The following ZNF804B variants were observed in gnomAD, a reference collection of about 807,000 sequenced individuals.
ZNF804B encodes zinc finger protein 804B, also known as zinc finger 804B.
In ZNF804B, 80 loss-of-function variants were observed where a neutral mutation model predicts 101.4. The ratio of observed to expected loss-of-function variants is 0.79; its 90% CI spans 0.66 to 0.95. The LOEUF (loss-of-function observed/expected upper bound fraction) is 0.95, where lower values mean the gene tolerates loss of function less well. ZNF804B is among the 40% of genes least tolerant of loss of function. The pLI, the probability that ZNF804B is intolerant of heterozygous loss-of-function variation, is 0.00. For missense variants in ZNF804B, 1,673 were observed against 1,561.9 expected (o/e 1.07, Z -1.20); for synonymous variants, 622 against 558.8 (o/e 1.11, Z -1.59).
At chr7:89,222,294 A>G (rs1202908225) in intron 2 of ZNF804B, among the ~76,000 whole-genome samples, 1 of 151,748 alleles carries the variant, frequency 6.6e-6, no homozygotes, top group African/African-American at 2.4e-5. Context: ...TCTTGTCCTC[A>G]TTTTTCATTT....
chr7:88,943,080 C>G (rs1367565858), intron 1 of ZNF804B, among the ~76,000 whole-genome samples: 1 of 151,836 alleles, frequency 6.6e-6, no homozygotes, highest in South Asian at 2.1e-4. Context: ...CAGAAAACCC[C>G]TAGTAATTAT....
At chr7:89,087,242 T>C (rs369179622) in intron 1 of ZNF804B, among the ~76,000 whole-genome samples, 10 of 151,920 alleles carry the variant, frequency 6.6e-5, no homozygotes, top group Middle Eastern at 6.8e-3. Flanking sequence ...AGACAAACAG[T>C]GATCATTTTC....
chr7:89,045,215 G>A (rs1789086828), intron 1 of ZNF804B, among the ~76,000 whole-genome samples: 1 of 152,220 alleles, frequency 6.6e-6, no homozygotes, highest in South Asian at 2.1e-4. Flanking sequence ...AAGAATTGAT[G>A]TTTGGGAACC....
chr7:89,045,709 T>C (rs775739611), intron 1 of ZNF804B, among the ~76,000 whole-genome samples: 4 of 152,198 alleles, frequency 2.6e-5, no homozygotes, highest in Admixed American at 6.5e-5. Flanking sequence ...CATTTGGAAC[T>C]GGTGTATTTA....
Position 89,335,978 on chromosome 7 carries a change from G to A in ZNF804B, c.2996G>A (p.Arg999Lys). The A allele has an allele frequency of 6.2e-7, 1 of 1,613,926 alleles. No individual in the cohort carries two copies. The highest frequency in any genetic ancestry group is 8.5e-7 in the Non-Finnish European group (1 of 1,179,958). The change falls in exon 4 of 4, where the codon AGG (arginine) becomes AAG (lysine). Residue 999 changes from arginine to lysine, a missense_variant. Transcript: ENST00000333190. ...AATGATCAAGACAGTGCAATTCCAA[G>A]GACTACGGAGAAAGACAAAAGCAAA... is the stretch of plus-strand genomic sequence containing the variant. ...SRNDQDSAIP[R>K]TTEKDKSKSS...
At chr7:89,025,582 T>C (rs1235668444) in intron 1 of ZNF804B, among the ~76,000 whole-genome samples, 1 of 152,178 alleles carries the variant, frequency 6.6e-6, no homozygotes, top group African/African-American at 2.4e-5. Flanking sequence ...TTATATGTTA[T>C]CTGACATTGC....
In ZNF804B at chr7:89,220,179, G is replaced by GTGCGTATA. The variant is rs1788982812; in HGVS notation, c.249+1885_249+1886insGCGTATAT. On this transcript the variant is annotated intron_variant, in intron 2 of 3. Coordinates refer to ENST00000333190, the MANE Select transcript of ZNF804B (RefSeq NM_181646.5). ...TATATATACGCACATATATATGTGT[G>GTGCGTATA]TATATATATATATCCTTGGGAAATG... is the stretch of plus-strand genomic sequence containing the variant. 4.9e-4 allele frequency among the ~76,000 whole-genome samples: 22 copies of GTGCGTATA among 45,212 alleles called. 1 individual carries two copies. The highest frequency in any genetic ancestry group is 2.2e-3 in the African/African-American group (22 of 10,080). The allele number at this position is 45,212 out of a possible 152,430, so 29.7% of individuals were successfully genotyped here. A position where few individuals can be genotyped will look rare whatever the true frequency, so the allele number is the denominator to read the frequency against.
chr7:89,205,417 C>A (rs1209571159), intron 1 of ZNF804B, among the ~76,000 whole-genome samples: 1 of 152,158 alleles, frequency 6.6e-6, no homozygotes, highest in African/African-American at 2.4e-5. Flanking sequence ...TCCCTTTCAC[C>A]TATGATCCTG....
intron 1 of ZNF804B, among the ~76,000 whole-genome samples, chr7:89,014,443 A>C (rs1237131284): frequency 6.6e-6 from 1 of 151,826 alleles, no homozygotes; most frequent in African/African-American, 2.4e-5. Flanking sequence ...CAGCCTCCCG[A>C]GTTGCTGAGA....
chr7:88,977,209 GTC>G (rs550954818), intron 1 of ZNF804B, among the ~76,000 whole-genome samples: 82 of 150,610 alleles, frequency 5.4e-4, no homozygotes, highest in African/African-American at 2.0e-3. Context: ...TTTTTGATGA[GTC>G]TCTGTCTCTG....
At chr7:89,253,681 T>A (rs1454991345) in intron 2 of ZNF804B, among the ~76,000 whole-genome samples, 5 of 152,098 alleles carry the variant, frequency 3.3e-5, no homozygotes, top group African/African-American at 7.2e-5. Flanking sequence ...TGCAGACCAT[T>A]TTAAAAAGAA....
intron 2 of ZNF804B, among the ~76,000 whole-genome samples, chr7:89,298,214 GTGTATATATATA>G (rs1235415721): frequency 2.7e-4 from 16 of 58,684 alleles, no homozygotes; most frequent in African/African-American, 9.2e-4. Context: ...GTGTGTGTGT[GTGTATATATATA>G]TATATATATA....
chr7:88,996,314 G>A (rs1788195337), intron 1 of ZNF804B, among the ~76,000 whole-genome samples: 1 of 152,006 alleles, frequency 6.6e-6, no homozygotes, highest in African/African-American at 2.4e-5. Flanking sequence ...AAAATAACTT[G>A]TACCATACAA....
intron 3 of ZNF804B, among the ~76,000 whole-genome samples, chr7:89,328,871 C>A (rs1584128061): frequency 6.6e-6 from 1 of 151,756 alleles, no homozygotes; most frequent in African/African-American, 2.4e-5. Flanking sequence ...TTCTACATTT[C>A]TGCTTACCCA....
Position 89,334,453 on chromosome 7 carries a change from G to A in ZNF804B, c.1471G>A (p.Asp491Asn), listed in dbSNP as rs1196833256. 1.2e-6 allele frequency: 2 copies of A among 1,613,658 alleles called. No individual in the cohort carries two copies. The highest frequency in any genetic ancestry group is 1.3e-5 in the African/African-American group (1 of 74,986). ...TAAGCTTTCTCGGAACACAAAGGAA[G>A]ACCACAATCTAGAGGACTTAAAAAC... ...DFKLSRNTKE[D>N]HNLEDLKTEL... The change falls in exon 4 of 4, where the codon GAC becomes AAC. Residue 491 changes from aspartate to asparagine, a missense_variant. Coordinates refer to ENST00000333190, the MANE Select transcript of ZNF804B (RefSeq NM_181646.5).
intron 1 of ZNF804B, among the ~76,000 whole-genome samples, chr7:88,858,980 C>T (rs1436449353): frequency 5.3e-5 from 8 of 151,946 alleles, no homozygotes; most frequent in Non-Finnish European, 7.4e-5. Flanking sequence ...TGAACATTCC[C>T]TGAATGTTTA....
chr7:88,901,606 T>A (rs1014133676), intron 1 of ZNF804B, among the ~76,000 whole-genome samples: 49 of 151,686 alleles, frequency 3.2e-4, no homozygotes, highest in Non-Finnish European at 4.4e-4. Context: ...GATATTTATG[T>A]GATCTTAAAG....
At chr7:88,998,216 C>T (rs1442366664) in intron 1 of ZNF804B, among the ~76,000 whole-genome samples, 3 of 152,042 alleles carry the variant, frequency 2.0e-5, no homozygotes, top group Non-Finnish European at 4.4e-5. Flanking sequence ...TTTTAATATG[C>T]TCCCCATCCA....
At chr7:89,116,501 T>C (rs1369696733) in intron 1 of ZNF804B, among the ~76,000 whole-genome samples, 5 of 152,198 alleles carry the variant, frequency 3.3e-5, no homozygotes, top group Non-Finnish European at 7.3e-5. Flanking sequence ...TGTGAGAAAG[T>C]AACTAACCTA....
Sources: gnomAD v4.1 joint callset for allele counts (sites outside exome capture counted in the v4.1 genomes callset) on GRCh38, gnomAD v4.1.1 for gene constraint, MANE v1.5 for transcripts, NCBI Gene and HGNC (gene_info 2026-07-23, HGNC 2026-07-21) for gene names.